The following AGO1 variants were observed in gnomAD, a reference collection of about 807,000 sequenced individuals.
AGO1 encodes the protein protein argonaute-1.
AGO1 carries 11 observed loss-of-function variants against 109.2 expected under a neutral mutation model. The ratio of observed to expected loss-of-function variants is 0.10; its 90% CI spans 0.06 to 0.17. The LOEUF is 0.17. Among genes scored for constraint, AGO1 ranks in the 10% least tolerant of loss-of-function variants. The pLI is 1.00. For missense variants in AGO1, 574 were observed against 1,140.3 expected, an observed-to-expected ratio of 0.50 and a Z score of 7.15; for synonymous variants, 422 against 418.6, an observed-to-expected ratio of 1.01 and a Z score of -0.10.
upstream of AGO1, chr1:35,883,129 C>T: frequency 9.1e-7 from 1 of 1,104,754 alleles, no homozygotes; most frequent in East Asian, 5.5e-5. The surrounding 1 kb of genome is among the most constrained non-coding windows in gnomAD (Gnocchi z 5.4). Flanking sequence ...CCGCCCCTCT[C>T]CATTGGCCTT....
rs932943323 is a variant in AGO1 at position 35,892,504 on chromosome 1, C to T, written c.210-53C>T. On this transcript the variant is annotated intron_variant, in intron 2 of 18. Transcript: ENST00000373204. ...CCTGGACTTTGAATTACTTCCAAAA[C>T]TTGAAGTGGTGGTAGTCTCTCAGCT... 33 of 1,613,044 alleles carry T rather than the reference C, an allele frequency of 2.0e-5. No individual in the cohort carries two copies. The African/African-American group carries it at 2.5e-4, about 12-fold the overall frequency.
intron 2 of AGO1, 120 bp from the exon 3 acceptor site, chr1:35,892,437 A>G: frequency 1.5e-6 from 2 of 1,303,596 alleles, no homozygotes; most frequent in Admixed American, 1.9e-5. Flanking sequence ...AAGCACTGTC[A>G]TAGAGTAGAT....
intron 1 of AGO1, among the ~76,000 whole-genome samples, chr1:35,886,172 C>T (rs551694334): frequency 2.6e-5 from 4 of 152,258 alleles, no homozygotes; most frequent in South Asian, 4.1e-4. Flanking sequence ...AGAAGGGTCC[C>T]GCCCCTTTCC....
chr1:35,877,017 G>A (rs1644997957), intron 1 of AGO1, among the ~76,000 whole-genome samples: 1 of 152,184 alleles, frequency 6.6e-6, no homozygotes, highest in Non-Finnish European at 1.5e-5. Flanking sequence ...AGGGCAGCCT[G>A]TCCAAAGCTG....
At chr1:35,900,026 G>A (rs182199406) in intron 8 of AGO1, among the ~76,000 whole-genome samples, 107 of 152,310 alleles carry the variant, frequency 7.0e-4, no homozygotes, top group Non-Finnish European at 1.2e-3. Flanking sequence ...GTATATTGGG[G>A]AGTGGAAGTC....
rs372984594 is a variant in AGO1, at chr1:35,925,774, G to C, written c.*6167G>C. 37 of 152,162 alleles carry C rather than the reference G, an allele frequency of 2.4e-4. No homozygotes were observed. Among genetic ancestry groups the C allele is most frequent in the African/African-American group, 8.4e-4 (35 of 41,436 alleles). The allele number at this position is 152,162 out of a possible 1,614,324, so 9.4% of individuals were successfully genotyped here. A position where few individuals can be genotyped will look rare whatever the true frequency, so the allele number is the denominator to read the frequency against. ...TTCTATGGTTTTGTACTTTAAGCTG[G>C]TGGTATAATTGTCAAGCATGTAAAT... On this transcript the variant is annotated 3_prime_UTR_variant, in exon 19 of 19. Transcript: ENST00000373204.
At chr1:35,910,652 C>G (rs1268500829) in intron 12 of AGO1, among the ~76,000 whole-genome samples, 1 of 152,144 alleles carries the variant, frequency 6.6e-6, no homozygotes, top group Non-Finnish European at 1.5e-5. Context: ...TGACTTCTTT[C>G]ATGCAACATA....
chr1:35,898,414 G>A (rs1227437839), intron 8 of AGO1, among the ~76,000 whole-genome samples: 3 of 151,946 alleles, frequency 2.0e-5, no homozygotes, highest in Admixed American at 6.6e-5. Flanking sequence ...CGACCACCAC[G>A]CCTGGCTAAT....
intron 1 of AGO1, among the ~76,000 whole-genome samples, chr1:35,871,374 C>A (rs1051448719): frequency 3.3e-5 from 5 of 150,882 alleles, no homozygotes; most frequent in Non-Finnish European, 7.4e-5. Context: ...GAAACCCCAT[C>A]TCTACTAAAA....
chr1:35,877,254 G>T (rs1296446743), intron 1 of AGO1, among the ~76,000 whole-genome samples: 1 of 152,150 alleles, frequency 6.6e-6, no homozygotes, highest in African/African-American at 2.4e-5. Flanking sequence ...TTTCGTGATG[G>T]TATACTTCTC....
At chr1:35,907,406 C>T (rs1645543166) in intron 12 of AGO1, among the ~76,000 whole-genome samples, 1 of 151,996 alleles carries the variant, frequency 6.6e-6, no homozygotes, top group Non-Finnish European at 1.5e-5. Flanking sequence ...GGTCTAGATT[C>T]CTGTCCTTAG....
At chr1:35,870,147 C>G (rs1298544959) in intron 1 of AGO1, among the ~76,000 whole-genome samples, 1 of 152,110 alleles carries the variant, frequency 6.6e-6, no homozygotes. Context: ...GTGTACCCCT[C>G]CGCCTGTGGC....
At position 35,921,704 on chromosome 1, in the gene AGO1, C is replaced by T. The variant is rs1045068402; in HGVS notation, c.*2097C>T. The T allele has an allele frequency of 4.6e-5, 7 of 152,676 alleles. No homozygotes were observed. Among genetic ancestry groups the T allele is most frequent in the African/African-American group, 1.7e-4 (7 of 41,464 alleles). The allele number at this position is 152,676 out of a possible 1,614,324, so 9.5% of individuals were successfully genotyped here. On this transcript the variant is annotated 3_prime_UTR_variant, in exon 19 of 19. Coordinates refer to ENST00000373204, the MANE Select transcript of AGO1 (RefSeq NM_012199.5). ...TGGTTGGCTACATTGTTCAGCAACT[C>T]ACAAAACGTAGCACAAACATTCATT...
At chr1:35,880,886 C>A (rs1645029594), upstream of AGO1, among the ~76,000 whole-genome samples, 1 of 152,192 alleles carries the variant, frequency 6.6e-6, no homozygotes, top group Non-Finnish European at 1.5e-5. Context: ...TCTCGAACTC[C>A]TGACCTCAGG....
In AGO1 at chr1:35,885,319, A is replaced by G. The variant is rs1179162391; in HGVS notation, c.25+1873A>G. On this transcript the variant is annotated intron_variant, in intron 1 of 18. Coordinates refer to ENST00000373204, the MANE Select transcript of AGO1 (RefSeq NM_012199.5). ...AGACTAATGATTTTTATCCTGATGA[A>G]TTCCTAATAGGCTCTGGAGTGATGA... Among the ~76,000 whole-genome samples, 6 of 152,182 alleles carry G rather than the reference A, an allele frequency of 3.9e-5. No individual in the cohort carries two copies. In the East Asian group the frequency reaches 1.2e-3, roughly 29 times the overall value.
At chr1:35,871,371 C>T (rs1644949981) in intron 1 of AGO1, among the ~76,000 whole-genome samples, 1 of 150,948 alleles carries the variant, frequency 6.6e-6, no homozygotes, top group Non-Finnish European at 1.5e-5. Context: ...CATGAAACCC[C>T]ATCTCTACTA....
intron 12 of AGO1, among the ~76,000 whole-genome samples, chr1:35,910,065 T>C (rs1232152549): frequency 6.6e-6 from 1 of 150,760 alleles, no homozygotes; most frequent in Non-Finnish European, 1.5e-5. Flanking sequence ...TTCATTTACA[T>C]GCGGTTCCTT....
At chr1:35,872,187 CT>C (rs541463659) in intron 1 of AGO1, among the ~76,000 whole-genome samples, 20,570 of 132,768 alleles carry the variant, frequency 0.15, 2,203 homozygotes, top group African/African-American at 0.41. Flanking sequence ...GACTCAATTT[CT>C]TTTTTTTTTT....
At chr1:35,887,003 G>A (rs1392375677) in intron 1 of AGO1, among the ~76,000 whole-genome samples, 2 of 152,202 alleles carry the variant, frequency 1.3e-5, no homozygotes, top group Non-Finnish European at 2.9e-5. Context: ...CCGTGAGCTT[G>A]TGTGCAATTT....
Sources: allele counts gnomAD v4.1 joint callset (sites outside exome capture counted in the v4.1 genomes callset), GRCh38; gene constraint gnomAD v4.1.1; non-coding constraint Gnocchi (gnomAD v3.1); transcripts MANE v1.5; gene names NCBI Gene and HGNC (gene_info 2026-07-23, HGNC 2026-07-21).